Variants in SDK2 observed in about 807,000 individuals in gnomAD.
SDK2 encodes protein sidekick-2.
A neutral mutation model predicts 253.9 loss-of-function variants in SDK2; 105 were observed. The ratio of observed to expected loss-of-function variants is 0.41; its 90% CI spans 0.35 to 0.49. The LOEUF is 0.49. Ranked by LOEUF, SDK2 falls within the 20% of genes least tolerant of loss-of-function variation. SDK2 has a pLI of 0.06. For synonymous variants in SDK2, 1,249 were observed against 1,234.9 expected (o/e 1.01, Z -0.24); for missense variants, 2,608 against 3,003.0 (o/e 0.87, Z 3.07).
At chr17:73,350,133 A>C in intron 43 of SDK2, 104 bp downstream of exon 43, 1 of 690,184 alleles carries the variant, frequency 1.4e-6, no homozygotes, top group East Asian at 6.7e-5. Context: ...TCCCAGGACA[A>C]GGTATGGCCA....
chr17:73,578,677 C>G (rs1363246458), intron 1 of SDK2, among the ~76,000 whole-genome samples: 2 of 152,134 alleles, frequency 1.3e-5, no homozygotes, highest in African/African-American at 4.8e-5. Flanking sequence ...AGAGGACACT[C>G]AGGTCAAAGG....
chr17:73,461,814 TGGATGGTG>T (rs1216179169), intron 3 of SDK2, among the ~76,000 whole-genome samples: 1 of 152,202 alleles, frequency 6.6e-6, no homozygotes, highest in Non-Finnish European at 1.5e-5. Flanking sequence ...TATGTATGTT[TGGATGGTG>T]GGATGGATGG....
intron 1 of SDK2, among the ~76,000 whole-genome samples, chr17:73,537,486 C>G (rs573094631): frequency 6.6e-6 from 1 of 152,272 alleles, no homozygotes; most frequent in East Asian, 1.9e-4. Context: ...CTCATAAGGG[C>G]TCCTTTCATC....
intron 1 of SDK2, among the ~76,000 whole-genome samples, chr17:73,550,494 G>A (rs950978682): frequency 1.3e-5 from 2 of 152,140 alleles, no homozygotes; most frequent in African/African-American, 4.8e-5. Flanking sequence ...GGAGGGCCAC[G>A]ACACAGAGAC....
At chr17:73,384,807 CTG>C (rs2062859018) in intron 32 of SDK2, among the ~76,000 whole-genome samples, 1 of 152,190 alleles carries the variant, frequency 6.6e-6, no homozygotes, top group Admixed American at 6.5e-5. Context: ...CAGCGCAAGA[CTG>C]TGTCTCAAAA....
intron 1 of SDK2, among the ~76,000 whole-genome samples, chr17:73,561,142 C>T (rs1330273043): frequency 6.6e-6 from 1 of 152,192 alleles, no homozygotes; most frequent in Non-Finnish European, 1.5e-5. Context: ...CTTGGCATTT[C>T]TAGCTGTGCC....
intron 1 of SDK2, among the ~76,000 whole-genome samples, chr17:73,596,198 C>T (rs550899402): frequency 5.3e-4 from 80 of 152,184 alleles, no homozygotes; most frequent in Admixed American, 2.3e-3. Flanking sequence ...CAATCTGGGG[C>T]GGCAGGGGTA....
intron 18 of SDK2, among the ~76,000 whole-genome samples, chr17:73,410,347 T>A (rs1221802335): frequency 4.6e-5 from 7 of 152,166 alleles, no homozygotes; most frequent in Admixed American, 4.6e-4. Context: ...AGAGTCTAGC[T>A]CTGTCTCCCT....
At chr17:73,411,788 ATT>A (rs33985713) in intron 18 of SDK2, among the ~76,000 whole-genome samples, 128,378 of 135,872 alleles carry the variant, frequency 0.94, 60,759 homozygotes, top group Non-Finnish European at 0.98. Flanking sequence ...TATTACTGCT[ATT>A]TTTTTTTTTT....
At chr17:73,408,763 G>T (rs1423563422) in intron 18 of SDK2, among the ~76,000 whole-genome samples, 5 of 152,034 alleles carry the variant, frequency 3.3e-5, no homozygotes, top group African/African-American at 1.2e-4. Flanking sequence ...TCTATAGATC[G>T]ACTGAGACCT....
intron 1 of SDK2, among the ~76,000 whole-genome samples, chr17:73,591,844 G>A (rs1340260990): frequency 6.6e-5 from 10 of 152,244 alleles, no homozygotes; most frequent in Non-Finnish European, 1.3e-4. Flanking sequence ...CAGCCATCAC[G>A]CGGCTGTCAG....
intron 1 of SDK2, among the ~76,000 whole-genome samples, chr17:73,561,227 A>G (rs959601885): frequency 4.6e-5 from 7 of 152,062 alleles, no homozygotes; most frequent in Admixed American, 4.6e-4. Flanking sequence ...TGAAAGGGAG[A>G]CAATTACGGG....
chr17:73,619,516 C>T (rs2046102940), intron 1 of SDK2, among the ~76,000 whole-genome samples: 1 of 152,174 alleles, frequency 6.6e-6, no homozygotes, highest in Non-Finnish European at 1.5e-5. Flanking sequence ...ACAAATGGAG[C>T]TTGGATAACT....
At chr17:73,397,338 G>A (rs1335493078) in intron 24 of SDK2, among the ~76,000 whole-genome samples, 1 of 152,242 alleles carries the variant, frequency 6.6e-6, no homozygotes, top group East Asian at 1.9e-4. Flanking sequence ...TGAGACGGCA[G>A]TGTGCCCGAT....
At chr17:73,478,942 TACAC>T (rs915764406) in intron 2 of SDK2, among the ~76,000 whole-genome samples, 2 of 152,242 alleles carry the variant, frequency 1.3e-5, no homozygotes, top group Non-Finnish European at 2.9e-5. Context: ...CTTGTGCACA[TACAC>T]GGAGCACACT....
chr17:73,525,675 G>A (rs1432899909), intron 1 of SDK2, among the ~76,000 whole-genome samples: 1 of 151,956 alleles, frequency 6.6e-6, no homozygotes, highest in South Asian at 2.1e-4. Flanking sequence ...AAACGGCCCC[G>A]CAGGATCCCA....
At chr17:73,561,281 T>C (rs2045229348) in intron 1 of SDK2, among the ~76,000 whole-genome samples, 1 of 152,016 alleles carries the variant, frequency 6.6e-6, no homozygotes, top group Non-Finnish European at 1.5e-5. Flanking sequence ...CCACCCCACC[T>C]GCGGTCAGCC....
At chr17:73,568,918 C>T (rs946006804) in intron 1 of SDK2, among the ~76,000 whole-genome samples, 4 of 152,180 alleles carry the variant, frequency 2.6e-5, no homozygotes, top group Non-Finnish European at 5.9e-5. Context: ...ATATTGCCAT[C>T]GTCTCCCTAA....
At chr17:73,553,993 C>A (rs889086831) in intron 1 of SDK2, among the ~76,000 whole-genome samples, 2 of 152,268 alleles carry the variant, frequency 1.3e-5, no homozygotes, top group East Asian at 1.9e-4. Context: ...GGGAGGGTTA[C>A]TAGGGGAGCT....
Sources: allele counts gnomAD v4.1 joint callset (sites outside exome capture counted in the v4.1 genomes callset), GRCh38; gene constraint gnomAD v4.1.1; transcripts MANE v1.5; gene names NCBI Gene and HGNC (gene_info 2026-07-23, HGNC 2026-07-21).